ESRRG: variants seen among roughly 807,000 people sequenced by gnomAD.
ESRRG encodes the protein estrogen-related receptor gamma.
ESRRG carries 13 observed loss-of-function variants against 44.0 expected under a neutral mutation model. That is an observed-to-expected ratio of 0.30 (90% confidence interval 0.19 to 0.47). The LOEUF is 0.47. Ranked by LOEUF, ESRRG falls within the 20% of genes least tolerant of loss-of-function variation. The pLI, the probability that ESRRG is intolerant of heterozygous loss-of-function variation, is 1.00. For missense variants in ESRRG, 395 were observed against 580.6 expected, an observed-to-expected ratio of 0.68 and a Z score of 3.29; for synonymous variants, 215 against 214.6, an observed-to-expected ratio of 1.00 and a Z score of -0.02.
intron 1 of ESRRG, among the ~76,000 whole-genome samples, chr1:217,124,410 C>A: frequency 6.6e-6 from 1 of 152,134 alleles, no homozygotes; most frequent in East Asian, 1.9e-4. Context: ...TGTGGCAAGA[C>A]CTGCTCATGA....
intron 2 of ESRRG, among the ~76,000 whole-genome samples, chr1:216,764,570 A>AG (rs34824638): frequency 0.13 from 19,045 of 144,652 alleles, 1,260 homozygotes; most frequent in South Asian, 0.19. Context: ...TGCCCGGCCC[A>AG]GGGGGGGACT....
At chr1:216,978,495 A>G (rs1210236658) in intron 1 of ESRRG, among the ~76,000 whole-genome samples, 2 of 152,208 alleles carry the variant, frequency 1.3e-5, no homozygotes, top group Admixed American at 6.6e-5. Context: ...CTAGTCAAAC[A>G]TGCTAATACT....
intron 2 of ESRRG, among the ~76,000 whole-genome samples, chr1:216,787,175 C>A (rs964244138): frequency 3.3e-5 from 5 of 152,118 alleles, no homozygotes; most frequent in African/African-American, 1.2e-4. Context: ...TGTGCCCATA[C>A]AAGCCAGGAA....
intron 2 of ESRRG, among the ~76,000 whole-genome samples, chr1:216,896,027 CTTTA>C (rs1263882529): frequency 1.3e-5 from 2 of 152,206 alleles, no homozygotes; most frequent in South Asian, 2.1e-4. Context: ...TAAACACTGA[CTTTA>C]TTTATACCAA....
At chr1:216,893,348 A>G (rs921357924) in intron 2 of ESRRG, among the ~76,000 whole-genome samples, 3 of 152,210 alleles carry the variant, frequency 2.0e-5, no homozygotes, top group Non-Finnish European at 4.4e-5. Flanking sequence ...TTCAGCAAGA[A>G]TTACTCCATT....
intron 1 of ESRRG, among the ~76,000 whole-genome samples, chr1:216,698,424 CAGG>C (rs2080679007): frequency 6.8e-6 from 1 of 147,240 alleles, no homozygotes. Context: ...GAAGCTGAAG[CAGG>C]AGAACGGCGT....
chr1:216,780,380 G>C (rs2093886511), intron 2 of ESRRG, among the ~76,000 whole-genome samples: 1 of 152,002 alleles, frequency 6.6e-6, no homozygotes, highest in African/African-American at 2.4e-5. Context: ...AAGTTATCAG[G>C]ATGGACCCTG....
upstream of ESRRG, among the ~76,000 whole-genome samples, chr1:217,089,814 C>A (rs985946311): frequency 6.6e-6 from 1 of 152,120 alleles, no homozygotes; most frequent in Non-Finnish European, 1.5e-5. Context: ...GGCAGAGGGG[C>A]GCCCACGGCT....
intron 1 of ESRRG, among the ~76,000 whole-genome samples, chr1:217,037,989 G>T (rs2083208692): frequency 6.6e-6 from 1 of 152,208 alleles, no homozygotes; most frequent in Non-Finnish European, 1.5e-5. Flanking sequence ...GGTTCTCATA[G>T]TCTTGGGCAG....
chr1:217,075,991 C>G (rs1273367032), intron 1 of ESRRG, among the ~76,000 whole-genome samples: 1 of 152,028 alleles, frequency 6.6e-6, no homozygotes, highest in Non-Finnish European at 1.5e-5. Flanking sequence ...CAGTATGACA[C>G]CTGTATATGT....
At chr1:216,774,676 A>G (rs931372315) in intron 2 of ESRRG, among the ~76,000 whole-genome samples, 1 of 152,168 alleles carries the variant, frequency 6.6e-6, no homozygotes, top group Non-Finnish European at 1.5e-5. Flanking sequence ...CAAATGTAGC[A>G]CTAAATCCAC....
chr1:216,811,992 C>T (rs1368737090), intron 2 of ESRRG, among the ~76,000 whole-genome samples: 7 of 152,114 alleles, frequency 4.6e-5, no homozygotes, highest in Admixed American at 6.5e-5. Flanking sequence ...CTCTGGCACA[C>T]GGCCGGCCAC....
intron 2 of ESRRG, among the ~76,000 whole-genome samples, chr1:216,874,007 G>A (rs1477744777): frequency 2.3e-5 from 3 of 129,018 alleles, no homozygotes; most frequent in Non-Finnish European, 3.4e-5. Flanking sequence ...GAGGGAGGGA[G>A]TGGGTTGGGA....
At chr1:216,998,460 C>T (rs182536139) in intron 1 of ESRRG, among the ~76,000 whole-genome samples, 12 of 152,278 alleles carry the variant, frequency 7.9e-5, no homozygotes, top group Non-Finnish European at 8.8e-5. Context: ...GGAGTGATAG[C>T]AATCTAAAAA....
intron 1 of ESRRG, among the ~76,000 whole-genome samples, chr1:217,022,160 C>T (rs1024606227): frequency 2.0e-5 from 3 of 152,188 alleles, no homozygotes; most frequent in East Asian, 3.9e-4. Flanking sequence ...TCATTGTGCC[C>T]TGCCAAAGCC....
At chr1:217,081,795 G>T (rs1457746686) in intron 1 of ESRRG, among the ~76,000 whole-genome samples, 1 of 152,110 alleles carries the variant, frequency 6.6e-6, no homozygotes, top group African/African-American at 2.4e-5. Flanking sequence ...TTTTAAAATA[G>T]AATTTATAAT....
chr1:217,033,400 C>G (rs559547451), intron 1 of ESRRG, among the ~76,000 whole-genome samples: 1 of 152,302 alleles, frequency 6.6e-6, no homozygotes, highest in African/African-American at 2.4e-5. Flanking sequence ...ATTTTGGGTT[C>G]CTCCACATTA....
chr1:216,751,836 A>ATAT (rs1553569077), intron 2 of ESRRG, among the ~76,000 whole-genome samples: 1 of 151,526 alleles, frequency 6.6e-6, no homozygotes, highest in Non-Finnish European at 1.5e-5. Context: ...TGATATATAT[A>ATAT]TTTTTTTCTT....
At chr1:217,007,616 A>C (rs1192270252) in intron 1 of ESRRG, among the ~76,000 whole-genome samples, 1 of 152,124 alleles carries the variant, frequency 6.6e-6, no homozygotes, top group East Asian at 1.9e-4. Flanking sequence ...GTCTCCATAA[A>C]ATTCTTCTCC....
Sources: allele counts gnomAD v4.1 joint callset (sites outside exome capture counted in the v4.1 genomes callset), GRCh38; gene constraint gnomAD v4.1.1; transcripts MANE v1.5; gene names NCBI Gene and HGNC (gene_info 2026-07-23, HGNC 2026-07-21).